Variants in P3H2 observed in about 807,000 individuals in gnomAD.
P3H2 encodes the protein leprecan-like 1.
In P3H2, 80 loss-of-function variants were observed where a neutral mutation model predicts 87.0. The observed-to-expected ratio is 0.92, with a 90% CI of 0.77 to 1.11. P3H2 has a LOEUF of 1.11. Ranked by LOEUF, P3H2 falls within the 50% of genes least tolerant of loss-of-function variation. The pLI, the probability that P3H2 is intolerant of heterozygous loss-of-function variation, is 0.00. For missense variants in P3H2, 1,001 were observed against 923.9 expected (o/e 1.08, Z -1.08); for synonymous variants, 367 against 359.3 (o/e 1.02, Z -0.24).
chr3:190,075,249 GCCAAGGCGGGTGGATCA>G (rs1326540679), intron 1 of P3H2, among the ~76,000 whole-genome samples: 7 of 152,202 alleles, frequency 4.6e-5, no homozygotes, highest in Non-Finnish European at 2.9e-5. Flanking sequence ...ACTTTGGGAG[GCCAAGGCGGGTGGATCA>G]CCTGAGATCA....
intron 1 of P3H2, among the ~76,000 whole-genome samples, chr3:190,116,050 C>T (rs767285954): frequency 2.6e-5 from 4 of 151,980 alleles, no homozygotes; most frequent in African/African-American, 7.3e-5. Context: ...TAAGTAATAA[C>T]GAAATTATCA....
intron 1 of P3H2, among the ~76,000 whole-genome samples, chr3:190,073,286 C>G (rs537294499): frequency 1.3e-5 from 2 of 152,326 alleles, no homozygotes; most frequent in Admixed American, 1.3e-4. Context: ...CACAGCAAAG[C>G]TGGCAGGAAA....
chr3:189,974,821 G>T, intron 8 of P3H2, 136 bp from the exon 9 acceptor site: 1 of 1,025,186 alleles, frequency 9.8e-7, no homozygotes, highest in Non-Finnish European at 1.5e-6. Context: ...AAGACAAATT[G>T]CAAATTAGGA....
chr3:189,961,271 G>A (rs868610431), intron 14 of P3H2, among the ~76,000 whole-genome samples: 2 of 152,034 alleles, frequency 1.3e-5, no homozygotes, highest in African/African-American at 4.8e-5. Context: ...TTAACAAATC[G>A]ACACACATAC....
rs1237980754 is a variant in P3H2, at chr3:190,080,542, A to G, written c.480+39710T>C. On this transcript the variant is annotated intron_variant, in intron 1 of 14. Coordinates refer to ENST00000319332, the MANE Select transcript of P3H2 (RefSeq NM_018192.4). ...CAGCCTCCCGAGTAGCTGGGATTACAGGCATGCAACACCACGCCCAGTTAA... is the reference window on the plus strand; with the variant it reads ...CAGCCTCCCGAGTAGCTGGGATTACGGGCATGCAACACCACGCCCAGTTAA... Among the ~76,000 whole-genome samples, 4 of 152,094 alleles carry G rather than the reference A, an allele frequency of 2.6e-5. No individual in the cohort carries two copies. In the South Asian group the frequency reaches 8.3e-4, roughly 32 times the overall value.
intron 1 of P3H2, among the ~76,000 whole-genome samples, chr3:190,086,129 A>C (rs79740930): frequency 0.015 from 2,250 of 152,274 alleles, 43 homozygotes; most frequent in African/African-American, 0.044. Flanking sequence ...ACTCATCCCC[A>C]AAATTCAAAC....
At chr3:190,014,367 G>C (rs1436240943) in intron 1 of P3H2, among the ~76,000 whole-genome samples, 2 of 152,216 alleles carry the variant, frequency 1.3e-5, no homozygotes, top group Admixed American at 6.5e-5. Flanking sequence ...ATATCATTTA[G>C]GAGAGAGAAG....
At chr3:190,002,242 C>T (rs1049136491) in intron 1 of P3H2, among the ~76,000 whole-genome samples, 5 of 152,052 alleles carry the variant, frequency 3.3e-5, no homozygotes, top group African/African-American at 1.2e-4. Flanking sequence ...CAGTTTATAT[C>T]TCCTGACAAA....
At chr3:190,100,736 A>G (rs1235414217) in intron 1 of P3H2, among the ~76,000 whole-genome samples, 3 of 152,152 alleles carry the variant, frequency 2.0e-5, no homozygotes, top group Non-Finnish European at 4.4e-5. Context: ...ATCATCATGA[A>G]AGGTCTGTCT....
chr3:190,018,732 C>T (rs889376163), intron 1 of P3H2, among the ~76,000 whole-genome samples: 10 of 152,056 alleles, frequency 6.6e-5, no homozygotes, highest in Admixed American at 3.3e-4. Flanking sequence ...AAGATAAGTG[C>T]CTTGCTAACT....
intron 1 of P3H2, among the ~76,000 whole-genome samples, chr3:190,092,091 G>T (rs1727425508): frequency 6.6e-6 from 1 of 152,060 alleles, no homozygotes; most frequent in Non-Finnish European, 1.5e-5. Context: ...AAATTACCCG[G>T]ACATGGTGGT....
intron 1 of P3H2, among the ~76,000 whole-genome samples, chr3:190,066,158 T>TATATATATATACACACACACAC (rs1256956930): frequency 7.4e-5 from 10 of 134,618 alleles, no homozygotes; most frequent in Middle Eastern, 3.9e-3. Flanking sequence ...TATATATATA[T>TATATATATATACACACACACAC]ACACACACAC....
intron 1 of P3H2, among the ~76,000 whole-genome samples, chr3:190,004,969 A>C (rs923770269): frequency 1.3e-5 from 2 of 152,206 alleles, no homozygotes; most frequent in Non-Finnish European, 2.9e-5. Flanking sequence ...TTTTTTCCTC[A>C]AACTGTATGT....
At chr3:190,082,213 G>T (rs144335739) in intron 1 of P3H2, among the ~76,000 whole-genome samples, 1 of 152,070 alleles carries the variant, frequency 6.6e-6, no homozygotes, top group African/African-American at 2.4e-5. Context: ...CTGAGATCAC[G>T]CCTCTGCACT....
In P3H2 at chr3:189,972,992, G is replaced by A. The variant is rs772544250; in HGVS notation, c.1581C>T (p.Ser527=). Residue 527 remains serine (S), a synonymous_variant, in exon 11 of 15, where the codon AGC becomes AGT. Transcript: ENST00000319332. Reference sequence around the variant, plus strand: ...CGCTGATGTCATAAAACAGACGAGCGCTCTTCAGTGGGACTCGACCTTCAT... The same window carrying A: ...CGCTGATGTCATAAAACAGACGAGCACTCTTCAGTGGGACTCGACCTTCAT... ...SGYEGRVPLK[S]ARLFYDISEK... 1.1e-5 allele frequency: 18 copies of A among 1,612,780 alleles called. No individual in the cohort carries two copies. The highest frequency in any genetic ancestry group is 1.7e-5 in the Admixed American group (1 of 59,886).
chr3:189,994,586 G>A (rs1166880984), intron 2 of P3H2, among the ~76,000 whole-genome samples: 1 of 151,890 alleles, frequency 6.6e-6, no homozygotes, highest in African/African-American at 2.4e-5. Context: ...TTGCCTATAG[G>A]TAGGGCCATG....
chr3:189,998,169 C>T (rs1347735604), intron 1 of P3H2, among the ~76,000 whole-genome samples: 1 of 150,076 alleles, frequency 6.7e-6, no homozygotes, highest in Non-Finnish European at 1.5e-5. Context: ...TTTATAGCTC[C>T]CATGAACACA....
At chr3:190,102,774 A>G (rs1711676662) in intron 1 of P3H2, among the ~76,000 whole-genome samples, 1 of 152,226 alleles carries the variant, frequency 6.6e-6, no homozygotes, top group Non-Finnish European at 1.5e-5. Flanking sequence ...GTAAAATGCT[A>G]TCAAACAGCA....
At chr3:190,001,636 C>T (rs1724219943) in intron 1 of P3H2, among the ~76,000 whole-genome samples, 1 of 152,156 alleles carries the variant, frequency 6.6e-6, no homozygotes, top group Non-Finnish European at 1.5e-5. Context: ...TAAGCTCTAG[C>T]TAGCAGCATA....
Sources: gnomAD v4.1 joint callset for allele counts (sites outside exome capture counted in the v4.1 genomes callset) on GRCh38, gnomAD v4.1.1 for gene constraint, MANE v1.5 for transcripts, NCBI Gene and HGNC (gene_info 2026-07-23, HGNC 2026-07-21) for gene names.